Variants in PEAK1 observed in about 807,000 individuals in gnomAD.
PEAK1 encodes the protein pseudopodium enriched atypical kinase 1.
Under a neutral mutation model 124.7 loss-of-function variants are expected in PEAK1, and 54 were observed. The observed-to-expected ratio is 0.43, with a 90% CI of 0.35 to 0.54. PEAK1 has a LOEUF of 0.54. Ranked by LOEUF, PEAK1 falls within the 20% of genes least tolerant of loss-of-function variation. The pLI, the probability that PEAK1 is intolerant of heterozygous loss-of-function variation, is 0.01. For missense variants in PEAK1, 2,046 were observed against 2,134.5 expected, an observed-to-expected ratio of 0.96 and a Z score of 0.82; for synonymous variants, 719 against 760.0, an observed-to-expected ratio of 0.95 and a Z score of 0.89.
intron 9 of PEAK1, among the ~76,000 whole-genome samples, chr15:77,123,975 T>C (rs1029416924): frequency 6.6e-6 from 1 of 152,226 alleles, no homozygotes; most frequent in African/African-American, 2.4e-5. Flanking sequence ...TTGGCTCTTC[T>C]TTCACCAAAA....
chr15:77,419,477 C>A (rs948012993), intron 1 of PEAK1: 1 of 985,126 alleles, frequency 1.0e-6, no homozygotes, highest in African/African-American at 1.7e-5. Flanking sequence ...AGCCGCGGCG[C>A]GAAGGGAGCA....
At chr15:77,350,443 C>A in intron 2 of PEAK1, 1 of 985,348 alleles carries the variant, frequency 1.0e-6, no homozygotes, top group Non-Finnish European at 1.2e-6. Context: ...AAGCTTTCCA[C>A]TGAATTAAGA....
chr15:77,171,352 T>A (rs566827164), intron 7 of PEAK1, among the ~76,000 whole-genome samples: 31 of 152,058 alleles, frequency 2.0e-4, no homozygotes, highest in East Asian at 3.9e-4. Flanking sequence ...CATTTTATTT[T>A]AAAAAAAACT....
At chr15:77,150,061 T>G in intron 8 of PEAK1, among the ~76,000 whole-genome samples, 2 of 152,320 alleles carry the variant, frequency 1.3e-5, no homozygotes, top group Middle Eastern at 6.8e-3. Flanking sequence ...CATCACATAC[T>G]TTTAAAAGGA....
At chr15:77,118,558 A>G (rs2051606857) in intron 9 of PEAK1, among the ~76,000 whole-genome samples, 1 of 152,198 alleles carries the variant, frequency 6.6e-6, no homozygotes, top group Non-Finnish European at 1.5e-5. Context: ...GCCCTTACCC[A>G]GTATTTTCTC....
chr15:77,260,006 T>G (rs1250121573), intron 5 of PEAK1, among the ~76,000 whole-genome samples: 7 of 152,250 alleles, frequency 4.6e-5, no homozygotes, highest in Admixed American at 3.9e-4. Flanking sequence ...AGGGTAAAAT[T>G]TTTTTTGAGA....
chr15:77,133,801 T>C lies in PEAK1; in HGVS notation c.3332-51A>G, dbSNP rs550881163. 3 of 1,492,510 alleles carry C rather than the reference T, an allele frequency of 2.0e-6. No individual in the cohort carries two copies. In the South Asian group the frequency reaches 4.2e-5, roughly 21 times the overall value. The allele number at this position is 1,492,510 out of a possible 1,614,324, so 92.5% of individuals were successfully genotyped here. ...AGAAAAGAGTAAGTAAAGTTTTCAATCTAATTTTATAACTGAAACTTGAGC... is the reference window on the plus strand; with the variant it reads ...AGAAAAGAGTAAGTAAAGTTTTCAACCTAATTTTATAACTGAAACTTGAGC... On this transcript the variant is annotated intron_variant, in intron 8 of 9. Transcript: ENST00000682557. The surrounding 1 kb of genome is among the most constrained non-coding windows in gnomAD (Gnocchi z 4.2).
At chr15:77,136,305 G>A (rs946382605) in intron 8 of PEAK1, among the ~76,000 whole-genome samples, 1 of 152,202 alleles carries the variant, frequency 6.6e-6, no homozygotes, top group Admixed American at 6.5e-5. Flanking sequence ...AAGCAGCAAA[G>A]CATTCAAGAG....
chr15:77,389,481 T>C (rs1278962641), intron 1 of PEAK1, among the ~76,000 whole-genome samples: 1 of 152,182 alleles, frequency 6.6e-6, no homozygotes, highest in Non-Finnish European at 1.5e-5. Context: ...GAGGGATGTT[T>C]TGCAAGTCAA....
chr15:77,329,649 A>G (rs1038354044), intron 2 of PEAK1, among the ~76,000 whole-genome samples: 2 of 152,214 alleles, frequency 1.3e-5, no homozygotes, highest in Non-Finnish European at 2.9e-5. Context: ...TCAATGATAT[A>G]CCTCTCATTC....
intron 1 of PEAK1, chr15:77,419,411 C>G (rs2073173604): frequency 9.1e-6 from 9 of 985,230 alleles, no homozygotes; most frequent in Non-Finnish European, 9.6e-6. Flanking sequence ...ACTGAGCAGC[C>G]GAACCACTCA....
intron 6 of PEAK1, among the ~76,000 whole-genome samples, chr15:77,234,791 A>G (rs2060046237): frequency 6.6e-6 from 1 of 152,026 alleles, no homozygotes; most frequent in Non-Finnish European, 1.5e-5. Context: ...ATGGACCACC[A>G]TGTCCAGCTA....
intron 6 of PEAK1, among the ~76,000 whole-genome samples, chr15:77,214,335 G>A (rs1203820945): frequency 2.6e-5 from 4 of 151,962 alleles, no homozygotes; most frequent in Non-Finnish European, 4.4e-5. Context: ...AAGAGGTTTA[G>A]GCTGGGCGCG....
At chr15:77,417,008 T>C (rs1467530884) in intron 1 of PEAK1, among the ~76,000 whole-genome samples, 1 of 152,160 alleles carries the variant, frequency 6.6e-6, no homozygotes, top group Non-Finnish European at 1.5e-5. Context: ...TAAGATGTAC[T>C]TTCCCTCTTT....
chr15:77,401,340 T>C (rs1456727520), intron 1 of PEAK1, among the ~76,000 whole-genome samples: 1 of 152,174 alleles, frequency 6.6e-6, no homozygotes, highest in East Asian at 1.9e-4. Context: ...CTATTTCCTT[T>C]CCTGATAGAT....
At chr15:77,384,113 G>A (rs1244679385) in intron 1 of PEAK1, among the ~76,000 whole-genome samples, 1 of 151,524 alleles carries the variant, frequency 6.6e-6, no homozygotes, top group African/African-American at 2.4e-5. Flanking sequence ...GGAGGGTATG[G>A]AATGTAGAAA....
At chr15:77,188,927 G>A (rs2057686695) in intron 6 of PEAK1, among the ~76,000 whole-genome samples, 1 of 152,146 alleles carries the variant, frequency 6.6e-6, no homozygotes, top group African/African-American at 2.4e-5. Context: ...CAGGTGCGGT[G>A]GCTCAAGCCT....
chr15:77,284,446 T>A (rs533970170), intron 4 of PEAK1, among the ~76,000 whole-genome samples: 1 of 152,312 alleles, frequency 6.6e-6, no homozygotes, highest in East Asian at 1.9e-4. Context: ...AAGATACTTG[T>A]AGAGCACATG....
intron 2 of PEAK1, among the ~76,000 whole-genome samples, chr15:77,309,686 T>G (rs894036287): frequency 6.6e-6 from 1 of 152,132 alleles, no homozygotes; most frequent in African/African-American, 2.4e-5. Flanking sequence ...CCTAAATAGC[T>G]TTTTAGATCT....
Sources: allele counts gnomAD v4.1 joint callset (sites outside exome capture counted in the v4.1 genomes callset), GRCh38; gene constraint gnomAD v4.1.1; non-coding constraint Gnocchi (gnomAD v3.1); transcripts MANE v1.5; gene names NCBI Gene and HGNC (gene_info 2026-07-23, HGNC 2026-07-21).